INPP4B: variants seen among roughly 807,000 people sequenced by gnomAD.
INPP4B encodes the protein inositol polyphosphate-4-phosphatase type II B.
INPP4B carries 55 observed loss-of-function variants against 122.5 expected under a neutral mutation model. The observed-to-expected ratio is 0.45, with a 90% CI of 0.36 to 0.56. The LOEUF (loss-of-function observed/expected upper bound fraction) is 0.56, where lower values mean the gene tolerates loss of function less well. Ranked by LOEUF, INPP4B falls within the 20% of genes least tolerant of loss-of-function variation. The pLI is 0.00. For synonymous variants in INPP4B, 403 were observed against 388.7 expected (o/e 1.04, Z -0.43); for missense variants, 1,000 against 1,097.7 (o/e 0.91, Z 1.26).
At position 142,341,223 on chromosome 4, in the gene INPP4B, CA is replaced by C. The variant is rs550343753; in HGVS notation, c.373-26462del. Among the ~76,000 whole-genome samples, 25 of 152,170 alleles carry C rather than the reference CA, an allele frequency of 1.6e-4. No homozygotes were observed. In the South Asian group the frequency reaches 5.2e-3, roughly 32 times the overall value. On this transcript the variant is annotated intron_variant, in intron 7 of 25. Coordinates refer to ENST00000262992, the MANE Select transcript of INPP4B (RefSeq NM_001101669.3). The stretch of plus-strand genomic sequence containing the variant: ...AAATGCCATTTGATGTCTAATTTGA[CA>C]TTATGGTTATTATGTTTCTAAACAG...
chr4:142,314,739 T>A lies in INPP4B; in HGVS notation c.396A>T (p.Glu132Asp). 6.3e-7 allele frequency: 1 copy of A among 1,599,572 alleles called. No individual in the cohort carries two copies. The highest frequency in any genetic ancestry group is 8.5e-7 in the Non-Finnish European group (1 of 1,174,446). The change falls in exon 8 of 26, where the codon GAA (glutamate) becomes GAT (aspartate). Residue 132 changes from glutamate to aspartate, a missense_variant. By Grantham distance (45) the Glu-to-Asp change is conservative. Transcript: ENST00000262992. ...HDTVRTSVLP[E>D]HKDPPPEVGR... ...CAACTTCTGGCGGGGGATCCTTATGTTCTGGTAGGACACTGGTTCGAACCT... is the reference window on the plus strand; with the variant it reads ...CAACTTCTGGCGGGGGATCCTTATGATCTGGTAGGACACTGGTTCGAACCT...
chr4:142,050,229 A>AGATTC (rs1206339358), intron 25 of INPP4B, among the ~76,000 whole-genome samples: 2 of 152,030 alleles, frequency 1.3e-5, no homozygotes, highest in African/African-American at 4.8e-5. Flanking sequence ...AGTACAAATG[A>AGATTC]GATTCCAAAC....
chr4:142,081,764 T>C (rs529673798), intron 25 of INPP4B, among the ~76,000 whole-genome samples: 58 of 152,114 alleles, frequency 3.8e-4, no homozygotes, highest in Middle Eastern at 3.4e-3. Context: ...ATAATGCATG[T>C]CATCAAATGT....
chr4:142,229,446 T>C (rs941345891), intron 12 of INPP4B, among the ~76,000 whole-genome samples: 5 of 152,276 alleles, frequency 3.3e-5, no homozygotes, highest in African/African-American at 1.2e-4. Flanking sequence ...AGATAAGCCA[T>C]TTGTGGTACT....
intron 1 of INPP4B, among the ~76,000 whole-genome samples, chr4:142,741,188 C>T (rs920198837): frequency 6.6e-6 from 1 of 151,866 alleles, no homozygotes; most frequent in Admixed American, 6.6e-5. Context: ...GTAATTTATA[C>T]AGAAAAGAGA....
intron 10 of INPP4B, among the ~76,000 whole-genome samples, chr4:142,261,537 G>C (rs954812375): frequency 1.3e-5 from 2 of 152,056 alleles, no homozygotes; most frequent in Non-Finnish European, 2.9e-5. Flanking sequence ...AGGTCTAAGG[G>C]AACCAGCCAT....
chr4:142,555,746 C>T (rs1729016002), intron 2 of INPP4B, among the ~76,000 whole-genome samples: 1 of 151,764 alleles, frequency 6.6e-6, no homozygotes, highest in Admixed American at 6.6e-5. Flanking sequence ...TAGTGGGCGC[C>T]TGTAGTCCCA....
chr4:142,055,814 T>C (rs1427444664), intron 25 of INPP4B, among the ~76,000 whole-genome samples: 2 of 151,860 alleles, frequency 1.3e-5, no homozygotes, highest in African/African-American at 4.8e-5. Flanking sequence ...TCCACTGACC[T>C]GGGGGTGGGG....
intron 2 of INPP4B, chr4:142,518,649 G>A (rs1825710270): frequency 6.6e-6 from 1 of 152,052 alleles, no homozygotes; most frequent in Admixed American, 6.6e-5. Context: ...TCCAAGGTTA[G>A]TTTATAAAAC....
At chr4:142,612,105 C>G (rs1485363161) in intron 2 of INPP4B, among the ~76,000 whole-genome samples, 1 of 152,104 alleles carries the variant, frequency 6.6e-6, no homozygotes, top group Non-Finnish European at 1.5e-5. Context: ...ACCCCTCTTC[C>G]ACCCAATTAA....
At chr4:142,042,522 GTATGTA>G (rs1560914433) in intron 25 of INPP4B, among the ~76,000 whole-genome samples, 1,562 of 36,894 alleles carry the variant, frequency 0.042, 32 homozygotes, top group African/African-American at 0.087. Flanking sequence ...GTGTGTGTAT[GTATGTA>G]TGTATGTATG....
chr4:142,593,359 C>CT (rs1431582339), intron 2 of INPP4B, among the ~76,000 whole-genome samples: 2 of 152,114 alleles, frequency 1.3e-5, no homozygotes, highest in African/African-American at 4.8e-5. Flanking sequence ...ACCTCTTATA[C>CT]TTCTGTTCTT....
chr4:142,142,093 C>T (rs1198068189), intron 18 of INPP4B, among the ~76,000 whole-genome samples: 1 of 152,000 alleles, frequency 6.6e-6, no homozygotes, highest in Non-Finnish European at 1.5e-5. Flanking sequence ...CAGTATTTAT[C>T]ATATCATACA....
At chr4:142,048,868 TAATC>T (rs1752976952) in intron 25 of INPP4B, among the ~76,000 whole-genome samples, 1 of 151,930 alleles carries the variant, frequency 6.6e-6, no homozygotes, top group Admixed American at 6.6e-5. Flanking sequence ...AATATTGAAA[TAATC>T]AAGGTGTGAG....
intron 25 of INPP4B, among the ~76,000 whole-genome samples, chr4:142,071,947 G>A (rs1246087020): frequency 1.3e-5 from 2 of 152,110 alleles, no homozygotes; most frequent in Non-Finnish European, 2.9e-5. Flanking sequence ...CAAGGATCTA[G>A]AACTAGAAAT....
chr4:142,061,887 T>G, intron 25 of INPP4B, among the ~76,000 whole-genome samples: 1 of 2,272 alleles, frequency 4.4e-4, no homozygotes, highest in Non-Finnish European at 2.3e-3. Flanking sequence ...CACACACACA[T>G]ATATATATAT....
intron 2 of INPP4B, among the ~76,000 whole-genome samples, chr4:142,629,897 A>G (rs78340916): frequency 0.014 from 2,056 of 152,182 alleles, 36 homozygotes; most frequent in African/African-American, 0.039. Flanking sequence ...TGACCAGAGC[A>G]ATGTGTCCAA....
At chr4:142,299,186 C>T (rs1369967090) in intron 9 of INPP4B, among the ~76,000 whole-genome samples, 9 of 136,842 alleles carry the variant, frequency 6.6e-5, no homozygotes, top group African/African-American at 2.6e-4. Flanking sequence ...GAGACAGAGT[C>T]TTGCTCTTAT....
At chr4:142,759,524 G>C (rs1000561298) in intron 1 of INPP4B, among the ~76,000 whole-genome samples, 1 of 151,902 alleles carries the variant, frequency 6.6e-6, no homozygotes, top group African/African-American at 2.4e-5. Flanking sequence ...CTTATATTAA[G>C]TCTCTTGTAG....
Sources: gnomAD v4.1 joint callset for allele counts (sites outside exome capture counted in the v4.1 genomes callset) on GRCh38, gnomAD v4.1.1 for gene constraint, MANE v1.5 for transcripts, NCBI Gene and HGNC (gene_info 2026-07-23, HGNC 2026-07-21) for gene names.